The following NEK2 variants were observed in gnomAD, a reference collection of about 807,000 sequenced individuals.
NEK2 encodes serine/threonine-protein kinase Nek2.
Under a neutral mutation model 54.1 loss-of-function variants are expected in NEK2, and 28 were observed. The ratio of observed to expected loss-of-function variants is 0.52; its 90% CI spans 0.38 to 0.71. The LOEUF is 0.71. Ranked by LOEUF, NEK2 falls within the 30% of genes least tolerant of loss-of-function variation. The pLI is 0.00. For missense variants in NEK2, 407 were observed against 531.5 expected (o/e 0.77, Z 2.30); for synonymous variants, 176 against 193.1 (o/e 0.91, Z 0.73).
chr1:211,672,496 T>C (rs905322078), intron 3 of NEK2, among the ~76,000 whole-genome samples: 1 of 152,050 alleles, frequency 6.6e-6, no homozygotes, highest in African/African-American at 2.4e-5. Context: ...GTACAAAAAG[T>C]TAACATTGTA....
At position 211,669,287 on chromosome 1, in the gene NEK2, T is replaced by C. The variant is rs1260605461; in HGVS notation, c.811A>G (p.Ile271Val). The part of the protein sequence containing the change: ...SVEEILENPL[I>V]ADLVADEQRR... ...TGCTCGTCTGCAACCAAATCTGCTA[T>C]TAAAGGGTTCTCAAGAATTTCTTCA... The change falls in exon 6 of 8, where the codon ATA (isoleucine) becomes GTA (valine). Residue 271 changes from isoleucine to valine, a missense_variant. Coordinates refer to ENST00000366999, the MANE Select transcript of NEK2 (RefSeq NM_002497.4). 3 of 1,614,164 alleles carry C rather than the reference T, an allele frequency of 1.9e-6. No individual in the cohort carries two copies. The highest frequency in any genetic ancestry group is 2.2e-5 in the East Asian group (1 of 44,892).
chr1:211,666,388 C>T, intron 7 of NEK2: 1 of 583,812 alleles, frequency 1.7e-6, no homozygotes, highest in Non-Finnish European at 2.2e-6. Context: ...GCCTTTTAAG[C>T]CATGCTTTCT....
chr1:211,666,964 A>G, intron 7 of NEK2, 142 bp downstream of exon 7: 1 of 1,474,610 alleles, frequency 6.8e-7, no homozygotes, highest in Non-Finnish European at 9.0e-7. Flanking sequence ...GTTTCCATTG[A>G]AATGCATATA....
At chr1:211,662,771 C>A (rs570738916), downstream of NEK2, 36 of 984,648 alleles carry the variant, frequency 3.7e-5, no homozygotes, top group South Asian at 1.2e-3. This position sits in a 1 kb window ranked among gnomAD's most constrained non-coding sequence, Gnocchi z 4.2. Flanking sequence ...AGACACATAA[C>A]TACAGGGAAA....
intron 1 of NEK2, among the ~76,000 whole-genome samples, chr1:211,674,919 C>T (rs1221327123): frequency 6.6e-6 from 1 of 152,174 alleles, no homozygotes; most frequent in Non-Finnish European, 1.5e-5. Context: ...AGTTTCCTGT[C>T]CAATGTTACT....
chr1:211,669,442 A>T, intron 5 of NEK2, 110 bp from the exon 6 acceptor site: 1 of 968,230 alleles, frequency 1.0e-6, no homozygotes, highest in Non-Finnish European at 1.5e-6. Context: ...AAAAGAAAGG[A>T]CTCCTTTATG....
chr1:211,671,281 G>C lies in NEK2; in HGVS notation c.559C>G (p.Gln187Glu). 2 of 1,612,086 alleles carry C rather than the reference G, an allele frequency of 1.2e-6. No homozygotes were observed. The highest frequency in any genetic ancestry group is 1.7e-6 in the Non-Finnish European group (2 of 1,178,256). Residue 187 changes from glutamine (Q) to glutamate (E), a missense_variant, in exon 4 of 8, where the codon CAA (glutamine) becomes GAA (glutamate). By Grantham distance (29) the Gln-to-Glu change is conservative. Coordinates refer to ENST00000366999, the MANE Select transcript of NEK2 (RefSeq NM_002497.4). The stretch of plus-strand genomic sequence containing the variant: ...TCATTGTAGGACATGCGATTCATTT[G>C]TTCCTATACAGGGAAAAAGGGTAAG... ...VGTPYYMSPE[Q>E]MNRMSYNEKS... is the part of the protein sequence containing the mutation.
downstream of NEK2, chr1:211,661,250 C>A: frequency 1.5e-6 from 1 of 675,732 alleles, no homozygotes; most frequent in South Asian, 1.4e-5. Context: ...GATCTCCATT[C>A]ATTCTGAGGG....
downstream of NEK2, chr1:211,660,637 T>C (rs538318560): frequency 6.2e-6 from 4 of 646,734 alleles, no homozygotes; most frequent in Non-Finnish European, 1.2e-5. Flanking sequence ...TATAGGAAGG[T>C]AGAAAGAGTA....
At position 211,673,772 on chromosome 1, in the gene NEK2, C is replaced by T. The variant is rs77097299; in HGVS notation, c.315-49G>A. ...CATATAACTTCTAAAAAAATCATTG[C>T]CAAGATGGGATGATATAAATTATCC... On this transcript the variant is annotated intron_variant, in intron 2 of 7. Coordinates refer to ENST00000366999, the MANE Select transcript of NEK2 (RefSeq NM_002497.4). 132 of 1,576,878 alleles carry T rather than the reference C, an allele frequency of 8.4e-5. No individual in the cohort carries two copies. In the African/African-American group the frequency reaches 1.6e-3, roughly 19 times the overall value.
chr1:211,673,340 G>T, intron 3 of NEK2, 143 bp downstream of exon 3: 2 of 944,688 alleles, frequency 2.1e-6, no homozygotes, highest in Non-Finnish European at 3.2e-6. Context: ...TTTGAACCTG[G>T]GAGGCAGAGA....
At chr1:211,670,234 T>A (rs1387478796) in intron 5 of NEK2, 47 bp downstream of exon 5, 1 of 1,566,570 alleles carries the variant, frequency 6.4e-7, no homozygotes, top group Non-Finnish European at 8.7e-7. Context: ...GCTCTGACAC[T>A]TAACTGACAG....
chr1:211,660,763 G>A, downstream of NEK2: 1 of 690,738 alleles, frequency 1.4e-6, no homozygotes, highest in Non-Finnish European at 2.7e-6. Context: ...AGTCTGATAG[G>A]AACTCTGCAG....
chr1:211,660,814 C>A (rs1655001764), downstream of NEK2: 5 of 704,140 alleles, frequency 7.1e-6, no homozygotes, highest in African/African-American at 1.8e-5. Context: ...CTGCTCCCAA[C>A]AACAGAGCTT....
intron 6 of NEK2, among the ~76,000 whole-genome samples, chr1:211,668,773 T>C (rs2102442908): frequency 6.6e-6 from 1 of 152,284 alleles, no homozygotes; most frequent in South Asian, 2.1e-4. Context: ...TTTTAAGACC[T>C]TCCTTTACAG....
At chr1:211,673,759 A>C (rs186604679) in intron 2 of NEK2, 36 bp from the exon 3 acceptor site, 1 of 1,595,064 alleles carries the variant, frequency 6.3e-7, no homozygotes, top group East Asian at 2.2e-5. Context: ...TATAACTTCT[A>C]AAAAAATCAT....
chr1:211,674,799 T>TA (rs1402345639), intron 1 of NEK2, among the ~76,000 whole-genome samples: 2 of 152,154 alleles, frequency 1.3e-5, no homozygotes, highest in African/African-American at 4.8e-5. Flanking sequence ...TAAAAGGTAC[T>TA]ATAGTCAAAA....
rs759561564 is a variant in NEK2, at chr1:211,674,328, C to T, written c.282G>A (p.Leu94=). The change falls in exon 2 of 8, where the codon CTG becomes CTA. Residue 94 remains leucine (L), a synonymous_variant. Coordinates refer to ENST00000366999, the MANE Select transcript of NEK2 (RefSeq NM_002497.4). ...IVMEYCEGGD[L]ASVITKGTKE... ...TGGTTCCCTTTGTAATTACACTAGC[C>T]AGATCCCCTCCTTCACAATATTCCA... 3.1e-6 allele frequency: 5 copies of T among 1,613,676 alleles called. No individual in the cohort carries two copies. The East Asian group carries it at 8.9e-5, about 29-fold the overall frequency.
chr1:211,670,574 T>C (rs893845186), intron 4 of NEK2, among the ~76,000 whole-genome samples, 167 bp from the exon 5 acceptor site: 34 of 152,236 alleles, frequency 2.2e-4, no homozygotes, highest in African/African-American at 7.7e-4. Context: ...CTTGGCACTA[T>C]TGACATTTGA....
Sources: gnomAD v4.1 joint callset for allele counts (sites outside exome capture counted in the v4.1 genomes callset) on GRCh38, gnomAD v4.1.1 for gene constraint, Gnocchi (gnomAD v3.1) non-coding constraint, MANE v1.5 for transcripts, NCBI Gene and HGNC (gene_info 2026-07-23, HGNC 2026-07-21) for gene names.